CADPS2: variants seen among roughly 807,000 people sequenced by gnomAD.
CADPS2 encodes the protein calcium dependent secretion activator 2.
In CADPS2, 93 loss-of-function variants were observed where a neutral mutation model predicts 172.5. That is an observed-to-expected ratio of 0.54 (90% CI 0.46 to 0.64). The LOEUF (loss-of-function observed/expected upper bound fraction) is 0.64, where lower values mean the gene tolerates loss of function less well. Among genes scored for constraint, CADPS2 ranks in the 30% least tolerant of loss-of-function variants. The pLI is 0.00. For missense variants in CADPS2, 1,420 were observed against 1,565.9 expected (o/e 0.91, Z 1.57); for synonymous variants, 546 against 555.2 (o/e 0.98, Z 0.23).
intron 1 of CADPS2, among the ~76,000 whole-genome samples, chr7:122,858,892 G>C (rs181110706): frequency 6.6e-6 from 1 of 152,116 alleles, no homozygotes; most frequent in Non-Finnish European, 1.5e-5. Context: ...AAAAAAATAA[G>C]TTGCCAGTAA....
chr7:122,451,893 C>T (rs1236715349), intron 14 of CADPS2, among the ~76,000 whole-genome samples: 3 of 152,062 alleles, frequency 2.0e-5, no homozygotes, highest in African/African-American at 7.2e-5. Context: ...ATTCAGCTAA[C>T]ACAGAACTGG....
intron 7 of CADPS2, among the ~76,000 whole-genome samples, chr7:122,577,005 C>A (rs191005407): frequency 1.1e-3 from 163 of 152,144 alleles, no homozygotes; most frequent in Non-Finnish European, 1.6e-3. Context: ...AGGTGATCCC[C>A]CTGCCTCGGC....
intron 7 of CADPS2, among the ~76,000 whole-genome samples, chr7:122,574,502 T>C (rs560397778): frequency 2.8e-5 from 4 of 141,298 alleles, no homozygotes; most frequent in Admixed American, 7.2e-5. Flanking sequence ...TTGATACATA[T>C]GTAGAATGTT....
At chr7:122,685,835 G>A (rs150381087) in intron 2 of CADPS2, among the ~76,000 whole-genome samples, 2 of 152,306 alleles carry the variant, frequency 1.3e-5, no homozygotes, top group Non-Finnish European at 2.9e-5. Context: ...CAATCAAGGA[G>A]GAAGACAGTA....
chr7:122,570,039 A>G (rs1315554977), intron 7 of CADPS2, among the ~76,000 whole-genome samples: 1 of 150,566 alleles, frequency 6.6e-6, no homozygotes, highest in Admixed American at 6.6e-5. Context: ...AATGGGATCT[A>G]ATTAAACTAA....
intron 1 of CADPS2, among the ~76,000 whole-genome samples, chr7:122,748,362 C>T (rs1051900391): frequency 1.3e-5 from 2 of 152,134 alleles, no homozygotes; most frequent in South Asian, 4.1e-4. Flanking sequence ...GCAGGAAGAA[C>T]TTTGTGCCTC....
chr7:122,790,260 G>GCT (rs1234031792), intron 1 of CADPS2, among the ~76,000 whole-genome samples: 6 of 151,684 alleles, frequency 4.0e-5, no homozygotes, highest in Non-Finnish European at 8.8e-5. Context: ...TTAGCCAGGT[G>GCT]CAGTGATGTG....
intron 1 of CADPS2, among the ~76,000 whole-genome samples, chr7:122,737,320 G>T (rs1476480868): frequency 6.6e-6 from 1 of 152,102 alleles, no homozygotes; most frequent in East Asian, 1.9e-4. Flanking sequence ...CACCTCCCGG[G>T]TTCAAGCGAT....
intron 25 of CADPS2, among the ~76,000 whole-genome samples, chr7:122,365,842 CTTG>C (rs1463836097): frequency 6.6e-6 from 1 of 152,146 alleles, no homozygotes; most frequent in Non-Finnish European, 1.5e-5. Flanking sequence ...ATTTACATTT[CTTG>C]TTGATTTTGA....
chr7:122,709,080 A>T (rs1279723767), intron 2 of CADPS2, among the ~76,000 whole-genome samples: 1 of 152,024 alleles, frequency 6.6e-6, no homozygotes, highest in Non-Finnish European at 1.5e-5. Flanking sequence ...GATTCCTTTA[A>T]ATCACCACCA....
At chr7:122,515,384 C>G (rs2060283270) in intron 8 of CADPS2, among the ~76,000 whole-genome samples, 1 of 152,136 alleles carries the variant, frequency 6.6e-6, no homozygotes, top group Non-Finnish European at 1.5e-5. Flanking sequence ...TAGTTGCTCT[C>G]TTTCTGTCTT....
intron 3 of CADPS2, among the ~76,000 whole-genome samples, chr7:122,662,541 A>G (rs2080713340): frequency 1.3e-5 from 2 of 152,042 alleles, no homozygotes; most frequent in South Asian, 4.1e-4. Context: ...ACGCCCAGCT[A>G]ATTTTTCTAT....
intron 14 of CADPS2, 67 bp downstream of exon 14, chr7:122,471,308 G>A: frequency 8.7e-7 from 1 of 1,153,860 alleles, no homozygotes; most frequent in African/African-American, 1.6e-5. Flanking sequence ...TAATCGCAAA[G>A]CACATTTTTC....
rs2080827711 is a variant in CADPS2, at chr7:122,663,375, G to A, written c.648C>T (p.Asp216=). 6.2e-7 allele frequency: 1 copy of A among 1,613,926 alleles called. No homozygotes were observed. The highest frequency in any genetic ancestry group is 8.5e-7 in the Non-Finnish European group (1 of 1,179,882). Residue 216 remains aspartate (D), a synonymous_variant, in exon 3 of 30, where the codon GAC becomes GAT. Coordinates refer to ENST00000449022, the MANE Select transcript of CADPS2 (RefSeq NM_017954.11). ...KYDAIYRGEE[D]LCKQPNRMAL... is the part of the protein sequence containing the mutation. ...CCATTCTATTTGGCTGTTTGCACAAGTCCTCTTCACCTCTGTAAATGGCAT... is the reference window on the plus strand; with the variant it reads ...CCATTCTATTTGGCTGTTTGCACAAATCCTCTTCACCTCTGTAAATGGCAT...
intron 29 of CADPS2, among the ~76,000 whole-genome samples, chr7:122,322,311 G>A (rs560665786): frequency 6.6e-6 from 1 of 152,216 alleles, no homozygotes; most frequent in Non-Finnish European, 1.5e-5. Flanking sequence ...GATTTGAATT[G>A]TGGATCTGCA....
chr7:122,818,490 CTTCT>C (rs1385076793), intron 1 of CADPS2, among the ~76,000 whole-genome samples: 6 of 152,230 alleles, frequency 3.9e-5, no homozygotes, highest in Non-Finnish European at 8.8e-5. Context: ...CCAAATCTTC[CTTCT>C]TTCCCTCCCG....
rs80149952 is a variant in CADPS2, at chr7:122,759,779, G to A, written c.340-22711C>T. On this transcript the variant is annotated intron_variant, in intron 1 of 29. Coordinates refer to ENST00000449022, the MANE Select transcript of CADPS2 (RefSeq NM_017954.11). ...TTTCTGAAGAAAGCAACTTATCATC[G>A]TAATTTGATTTTAACATTACTTTGC... Among the ~76,000 whole-genome samples the A allele has an allele frequency of 7.2e-4, 110 of 152,088 alleles. 1 individual carries two copies. The East Asian group carries it at 0.019, about 26-fold the overall frequency.
chr7:122,820,418 C>A (rs961372561), intron 1 of CADPS2, among the ~76,000 whole-genome samples: 10 of 151,910 alleles, frequency 6.6e-5, no homozygotes, highest in African/African-American at 2.4e-4. Flanking sequence ...TCTCTCAAAC[C>A]CCAGCACCTT....
intron 8 of CADPS2, among the ~76,000 whole-genome samples, chr7:122,549,452 T>C (rs924138524): frequency 6.6e-6 from 1 of 152,000 alleles, no homozygotes; most frequent in African/African-American, 2.4e-5. Context: ...ATTGTATAAT[T>C]AGCCTAATTA....
Sources: allele counts gnomAD v4.1 joint callset (sites outside exome capture counted in the v4.1 genomes callset), GRCh38; gene constraint gnomAD v4.1.1; transcripts MANE v1.5; gene names NCBI Gene and HGNC (gene_info 2026-07-23, HGNC 2026-07-21).